Variants in ZCCHC2 observed in about 807,000 individuals in gnomAD.
The protein encoded by ZCCHC2 is zinc finger CCHC-type containing 2.
ZCCHC2 carries 39 observed loss-of-function variants against 103.6 expected under a neutral mutation model. The ratio of observed to expected loss-of-function variants is 0.38; its 90% CI spans 0.29 to 0.49. ZCCHC2 has a LOEUF of 0.49. Among genes scored for constraint, ZCCHC2 ranks in the 20% least tolerant of loss-of-function variants. The probability of loss-of-function intolerance (pLI) is 0.96; values close to 1 mark genes in which losing one functional copy is unlikely to be tolerated. For missense variants in ZCCHC2, 1,483 were observed against 1,491.0 expected (o/e 0.99, Z 0.09); for synonymous variants, 687 against 608.9 (o/e 1.13, Z -1.89).
At chr18:62,530,762 G>C (rs549584029) in intron 1 of ZCCHC2, among the ~76,000 whole-genome samples, 1 of 152,116 alleles carries the variant, frequency 6.6e-6, no homozygotes. Flanking sequence ...TATTTTCCTC[G>C]TATTGGATTT....
At chr18:62,543,132 G>A (rs1157613896) in intron 3 of ZCCHC2, among the ~76,000 whole-genome samples, 13 of 152,062 alleles carry the variant, frequency 8.5e-5, no homozygotes, top group Admixed American at 3.9e-4. Context: ...CCCTGCTTGA[G>A]CTACGCCTTT....
intron 6 of ZCCHC2, among the ~76,000 whole-genome samples, chr18:62,557,348 T>G (rs1915933035): frequency 6.6e-6 from 1 of 152,148 alleles, no homozygotes; most frequent in Non-Finnish European, 1.5e-5. Context: ...CTCAAGAGAG[T>G]CATTTTTTCC....
At chr18:62,550,237 G>T (rs1915604551) in intron 4 of ZCCHC2, 111 bp from the exon 5 acceptor site, 2 of 790,326 alleles carry the variant, frequency 2.5e-6, no homozygotes, top group Admixed American at 2.6e-5. Flanking sequence ...AACTGCTTTT[G>T]GGAAAATAAT....
In ZCCHC2 at chr18:62,553,972, T is replaced by C. The variant is rs112450482; in HGVS notation, c.1314-2231T>C. Among the ~76,000 whole-genome samples the C allele has an allele frequency of 7.3e-3, 1,112 of 152,364 alleles. 16 individuals are homozygous for C. Among genetic ancestry groups the C allele is most frequent in the African/African-American group, 0.025 (1,053 of 41,588 alleles). On this transcript the variant is annotated intron_variant, in intron 5 of 13. Coordinates refer to ENST00000269499, the MANE Select transcript of ZCCHC2 (RefSeq NM_017742.6). ...TCTTTTCTCTTCTGGTTTCAGGGTT[T>C]TGTGTCATGCCTAGAAAGACCTTTT...
intron 1 of ZCCHC2, among the ~76,000 whole-genome samples, chr18:62,529,780 C>G (rs1032021604): frequency 1.3e-5 from 2 of 152,104 alleles, no homozygotes; most frequent in Non-Finnish European, 2.9e-5. Context: ...CATTCTTTCT[C>G]TCAAGTTGAC....
chr18:62,529,873 A>G (rs1296981504), intron 1 of ZCCHC2, among the ~76,000 whole-genome samples: 3 of 152,228 alleles, frequency 2.0e-5, no homozygotes, highest in Non-Finnish European at 4.4e-5. Context: ...CAAAAATATT[A>G]GGGAAAAATA....
chr18:62,578,730 T>TG (rs1195682585), downstream of ZCCHC2: 1 of 152,076 alleles, frequency 6.6e-6, no homozygotes, highest in Non-Finnish European at 1.5e-5. Context: ...AATCCCAAAG[T>TG]TATTTACCAT....
intron 6 of ZCCHC2, chr18:62,558,466 TC>T: frequency 3.2e-6 from 1 of 312,990 alleles, no homozygotes; most frequent in South Asian, 8.3e-5. Context: ...AAATGACTTG[TC>T]CAGGTCAGTC....
At chr18:62,537,905 G>C (rs1034631002) in intron 1 of ZCCHC2, among the ~76,000 whole-genome samples, 3 of 151,988 alleles carry the variant, frequency 2.0e-5, no homozygotes, top group Non-Finnish European at 2.9e-5. Flanking sequence ...AATGTGTAAG[G>C]GTTCCATTTT....
In ZCCHC2 at chr18:62,575,131, G is replaced by A. The variant is rs939132055; in HGVS notation, c.3050G>A (p.Arg1017Gln). 3 of 1,613,920 alleles carry A rather than the reference G, an allele frequency of 1.9e-6. No homozygotes were observed. Among genetic ancestry groups the A allele is most frequent in the South Asian group, 1.1e-5 (1 of 91,088 alleles). The change falls in exon 13 of 14, where the codon CGA (arginine) becomes CAA (glutamine). Residue 1017 changes from arginine (R) to glutamine (Q), a missense_variant. Physicochemically the swap from Arg to Gln is conservative, Grantham distance 43. Around this residue, in one of 3 missense-constraint regions of ZCCHC2, gnomAD observed 884 missense variants for 907.5 expected, o/e 0.97. Coordinates refer to ENST00000269499, the MANE Select transcript of ZCCHC2 (RefSeq NM_017742.6). Reference protein sequence around the residue: ...MGSGPCGSCGRRCSCGTNGNL... With the variant: ...MGSGPCGSCGQRCSCGTNGNL... Reference sequence around the variant, plus strand: ...TCAGGTCCTTGTGGTTCTTGTGGGCGAAGGTGCAGCTGTGGGACCAATGGA... The same window carrying A: ...TCAGGTCCTTGTGGTTCTTGTGGGCAAAGGTGCAGCTGTGGGACCAATGGA...
At chr18:62,544,448 T>G (rs1421573280) in intron 3 of ZCCHC2, among the ~76,000 whole-genome samples, 1 of 152,254 alleles carries the variant, frequency 6.6e-6, no homozygotes, top group East Asian at 1.9e-4. Flanking sequence ...AATTTTTATC[T>G]TTTGAGTGGC....
At chr18:62,549,639 A>G (rs1161043082) in intron 4 of ZCCHC2, among the ~76,000 whole-genome samples, 1 of 152,268 alleles carries the variant, frequency 6.6e-6, no homozygotes. Flanking sequence ...AAGTTGGCTT[A>G]TGAATAATCA....
In ZCCHC2 at chr18:62,563,123, C is replaced by G. The variant is rs772938801; in HGVS notation, c.1665C>G (p.His555Gln). 1.2e-6 allele frequency: 2 copies of G among 1,613,570 alleles called. No individual in the cohort carries two copies. The highest frequency in any genetic ancestry group is 1.1e-5 in the South Asian group (1 of 91,052). The stretch of plus-strand genomic sequence containing the variant: ...GTACCACCATTCAACACCCAGAGCA[C>G]TGTGTGACCTCGGCTGACCAGGTGT... ...QSCTTIQHPE[H>Q]CVTSADQHSA... Residue 555 changes from histidine to glutamine, a missense_variant, in exon 9 of 14, where the codon CAC (histidine) becomes CAG (glutamine). By Grantham distance (24) the His-to-Gln change is conservative (BLOSUM62 0). Coordinates refer to ENST00000269499, the MANE Select transcript of ZCCHC2 (RefSeq NM_017742.6).
chr18:62,571,690 G>T (rs975332205), intron 12 of ZCCHC2, among the ~76,000 whole-genome samples: 1 of 152,198 alleles, frequency 6.6e-6, no homozygotes, highest in African/African-American at 2.4e-5. Flanking sequence ...TGGTTACAAG[G>T]TGTACCCATG....
intron 8 of ZCCHC2, 144 bp from the exon 9 acceptor site, chr18:62,562,865 A>C: frequency 1.2e-6 from 1 of 838,948 alleles, no homozygotes; most frequent in Non-Finnish European, 1.8e-6. Flanking sequence ...CTCATAGTAT[A>C]CTTTTTTTTC....
Position 62,575,450 on chromosome 18 carries a change from G to T in ZCCHC2, c.3369G>T (p.Ser1123=), listed in dbSNP as rs1216773820. 64 of 1,613,850 alleles carry T rather than the reference G, an allele frequency of 4.0e-5. No individual in the cohort carries two copies. The highest frequency in any genetic ancestry group is 5.0e-5 in the Non-Finnish European group (59 of 1,179,904). ...ACGTAGTTGCCAACACCAGTGGTTC[G>T]GGGCCCAAGAAGAATGGGAATGTCT... ...APNVVANTSG[S]GPKKNGNVSC... is the part of the protein sequence containing the mutation. The change falls in exon 13 of 14, where the codon TCG becomes TCT. Residue 1123 remains serine, a synonymous_variant. Transcript: ENST00000269499.
intron 1 of ZCCHC2, among the ~76,000 whole-genome samples, chr18:62,532,216 AT>A (rs1433242792): frequency 1.3e-5 from 2 of 152,300 alleles, no homozygotes; most frequent in East Asian, 3.9e-4. Context: ...TACATGATTG[AT>A]TTTTTGAAAA....
At chr18:62,553,378 G>A (rs746612701) in intron 5 of ZCCHC2, among the ~76,000 whole-genome samples, 1 of 151,748 alleles carries the variant, frequency 6.6e-6, no homozygotes, top group Non-Finnish European at 1.5e-5. Context: ...CATATTTTAC[G>A]TCCATTTTAG....
chr18:62,569,811 T>G (rs749360549), intron 11 of ZCCHC2, among the ~76,000 whole-genome samples: 37 of 152,222 alleles, frequency 2.4e-4, no homozygotes, highest in Middle Eastern at 6.8e-3. Flanking sequence ...TATCTAGACT[T>G]AGAAAGTAGC....
Sources: allele counts gnomAD v4.1 joint callset (sites outside exome capture counted in the v4.1 genomes callset), GRCh38; gene constraint gnomAD v4.1.1; regional missense constraint gnomAD v4.1.1; transcripts MANE v1.5; gene names NCBI Gene and HGNC (gene_info 2026-07-23, HGNC 2026-07-21).